Variants in SWT1 observed in about 807,000 individuals in gnomAD.
The protein encoded by SWT1 is transcriptional protein SWT1.
A neutral mutation model predicts 107.3 loss-of-function variants in SWT1; 33 were observed. The observed-to-expected ratio is 0.31, with a 90% confidence interval of 0.23 to 0.41. The LOEUF (loss-of-function observed/expected upper bound fraction) is 0.41. Among genes scored for constraint, SWT1 ranks in the 10% least tolerant of loss-of-function variants. The probability of loss-of-function intolerance (pLI) is 1.00; values close to 1 mark genes in which losing one functional copy is unlikely to be tolerated. For synonymous variants in SWT1, 345 were observed against 348.3 expected (o/e 0.99, Z 0.11); for missense variants, 898 against 1,028.9 (o/e 0.87, Z 1.74).
At chr1:185,251,273 A>G (rs539268173) in intron 16 of SWT1, 5 of 152,588 alleles carry the variant, frequency 3.3e-5, no homozygotes, top group Non-Finnish European at 7.4e-5. Context: ...TTATAAAGCT[A>G]CATCAATTCT....
At chr1:185,252,224 T>C (rs957211742) in intron 16 of SWT1, among the ~76,000 whole-genome samples, 4 of 152,154 alleles carry the variant, frequency 2.6e-5, no homozygotes, top group Non-Finnish European at 5.9e-5. Flanking sequence ...CTATTGTGAA[T>C]AATGCTGCAA....
chr1:185,230,730 TTG>T lies in SWT1; in HGVS notation c.2310-825_2310-824del, dbSNP rs139516173. Among the ~76,000 whole-genome samples the T allele has an allele frequency of 2.6e-4, 39 of 149,230 alleles. 1 individual carries two copies. The highest frequency in any genetic ancestry group is 8.0e-4 in the Admixed American group (12 of 14,912). On this transcript the variant is annotated intron_variant, in intron 15 of 18. Coordinates refer to ENST00000367500, the MANE Select transcript of SWT1 (RefSeq NM_017673.7). ...AGCATCATTTTAATAGTTTGGTGTT[TTG>T]TGTGTGTGTGTGTGTGTGTGTTTGT...
At chr1:185,225,274 G>T (rs1420269374) in intron 15 of SWT1, among the ~76,000 whole-genome samples, 1 of 152,230 alleles carries the variant, frequency 6.6e-6, no homozygotes, top group Admixed American at 6.5e-5. Flanking sequence ...GATCCCACTT[G>T]ATCATAGTGA....
chr1:185,184,701 A>G, intron 8 of SWT1, 42 bp from the exon 9 acceptor site: 1 of 1,523,064 alleles, frequency 6.6e-7, no homozygotes, highest in Non-Finnish European at 9.0e-7. Context: ...TAGTAGCTCA[A>G]TAAATGTTTG....
chr1:185,175,024 T>A lies in SWT1; in HGVS notation c.877T>A (p.Tyr293Asn). ...TGAACATTTACTTTCAGATTTTACA[T>A]ATAAGCGGACTGTTCATGAGTGGAA... ...KTEHLLSDFT[Y>N]KRTVHEWKRK... The change falls in exon 5 of 19, where the codon TAT (tyrosine) becomes AAT (asparagine). Residue 293 changes from tyrosine (Y) to asparagine (N), a missense_variant. This residue lies in a region of SWT1 where 382 missense variants were observed against 362.4 expected (regional missense o/e 1.05). Transcript: ENST00000367500. 6.2e-7 allele frequency: 1 copy of A among 1,613,592 alleles called. No homozygotes were observed. Among genetic ancestry groups the A allele is most frequent in the Non-Finnish European group, 8.5e-7 (1 of 1,179,880 alleles).
chr1:185,247,893 A>AT (rs1340422354), intron 16 of SWT1, among the ~76,000 whole-genome samples: 1 of 152,016 alleles, frequency 6.6e-6, no homozygotes, highest in Non-Finnish European at 1.5e-5. Context: ...AAAGCAGACT[A>AT]TTTGTTTATT....
intron 10 of SWT1, among the ~76,000 whole-genome samples, chr1:185,198,379 T>G (rs1657580508): frequency 6.6e-6 from 1 of 152,214 alleles, no homozygotes; most frequent in Non-Finnish European, 1.5e-5. Flanking sequence ...AGTTTTAGAA[T>G]AAGTGCAATG....
At chr1:185,216,875 C>G (rs1659256337) in intron 14 of SWT1, among the ~76,000 whole-genome samples, 1 of 151,682 alleles carries the variant, frequency 6.6e-6, no homozygotes, top group Non-Finnish European at 1.5e-5. Flanking sequence ...TTACCTGAAC[C>G]CAGGAGGCAG....
At position 185,174,802 on chromosome 1, in the gene SWT1, A is replaced by G; in HGVS notation, c.655A>G (p.Lys219Glu). 6.2e-7 allele frequency: 1 copy of G among 1,612,456 alleles called. No homozygotes were observed. The highest frequency in any genetic ancestry group is 8.5e-7 in the Non-Finnish European group (1 of 1,179,630). Reference protein sequence around the residue: ...NQFSQDYNSNKIIKEPLGSRR... With the variant: ...NQFSQDYNSNEIIKEPLGSRR... ...ATTTTCTCAGGATTATAACTCCAAC[A>G]AGATAATTAAGGAACCCTTGGGATC... Residue 219 changes from lysine to glutamate, a missense_variant, in exon 5 of 19, where the codon AAG becomes GAG. Lys to Glu is a moderately conservative substitution (Grantham distance 56). Coordinates refer to ENST00000367500, the MANE Select transcript of SWT1 (RefSeq NM_017673.7).
intron 18 of SWT1, among the ~76,000 whole-genome samples, chr1:185,279,243 A>G (rs1156609690): frequency 6.6e-6 from 1 of 152,170 alleles, no homozygotes; most frequent in African/African-American, 2.4e-5. Context: ...TTTTTAGTGT[A>G]AAAAGCTTAT....
chr1:185,258,185 G>A (rs762440785), intron 16 of SWT1, among the ~76,000 whole-genome samples: 1 of 151,954 alleles, frequency 6.6e-6, no homozygotes, highest in South Asian at 2.1e-4. Context: ...CGTAATAAAT[G>A]TGTACTTGAT....
chr1:185,222,393 A>G (rs1056204912), intron 15 of SWT1, among the ~76,000 whole-genome samples: 1 of 152,092 alleles, frequency 6.6e-6, no homozygotes, highest in African/African-American at 2.4e-5. Flanking sequence ...TGGCTATTGT[A>G]ATGCATTTAT....
intron 5 of SWT1, 85 bp downstream of exon 5, chr1:185,175,198 TTC>T (rs1394976080): frequency 1.7e-5 from 19 of 1,137,252 alleles, no homozygotes; most frequent in Non-Finnish European, 1.9e-5. Context: ...CTATATTTTT[TTC>T]TGTTTTTTTT....
chr1:185,238,266 A>C (rs1270475027), intron 16 of SWT1, among the ~76,000 whole-genome samples: 2 of 152,094 alleles, frequency 1.3e-5, no homozygotes, highest in East Asian at 3.9e-4. Flanking sequence ...GATTACAGGC[A>C]TGAGCCACCT....
intron 4 of SWT1, among the ~76,000 whole-genome samples, chr1:185,173,834 T>C (rs901402147): frequency 2.6e-5 from 4 of 152,066 alleles, no homozygotes; most frequent in Admixed American, 6.5e-5. Flanking sequence ...CTGGGCAACA[T>C]AGCAAAACCT....
intron 18 of SWT1, among the ~76,000 whole-genome samples, chr1:185,280,069 A>G (rs183244070): frequency 2.8e-3 from 428 of 152,244 alleles, no homozygotes; most frequent in Non-Finnish European, 5.3e-3. Context: ...TAATCCCTAT[A>G]ATCCCTACGT....
At chr1:185,224,418 T>G (rs1659899994) in intron 15 of SWT1, among the ~76,000 whole-genome samples, 1 of 152,172 alleles carries the variant, frequency 6.6e-6, no homozygotes, top group Non-Finnish European at 1.5e-5. Context: ...AATCAGGTAG[T>G]GTGATGCCTC....
At chr1:185,226,009 T>C (rs989225984) in intron 15 of SWT1, among the ~76,000 whole-genome samples, 25 of 152,200 alleles carry the variant, frequency 1.6e-4, no homozygotes, top group African/African-American at 4.6e-4. Flanking sequence ...AAGCAAAGGT[T>C]TTTTTTTGTT....
chr1:185,220,111 C>T (rs1292415452), intron 14 of SWT1, among the ~76,000 whole-genome samples: 6 of 129,900 alleles, frequency 4.6e-5, no homozygotes, highest in African/African-American at 1.9e-4. Flanking sequence ...TGCACTCCAG[C>T]CTGGGTGGCA....
Sources: allele counts gnomAD v4.1 joint callset (sites outside exome capture counted in the v4.1 genomes callset), GRCh38; gene constraint gnomAD v4.1.1; regional missense constraint gnomAD v4.1.1; transcripts MANE v1.5; gene names NCBI Gene and HGNC (gene_info 2026-07-23, HGNC 2026-07-21).